KIAA1217: variants seen among roughly 807,000 people sequenced by gnomAD.
KIAA1217 encodes the protein KIAA1217.
In KIAA1217, 88 loss-of-function variants were observed where a neutral mutation model predicts 163.9. That is an observed-to-expected ratio of 0.54 (90% CI 0.45 to 0.64). KIAA1217 has a LOEUF of 0.64. Among genes scored for constraint, KIAA1217 ranks in the 30% least tolerant of loss-of-function variants. The pLI is 0.00. For missense variants in KIAA1217, 2,372 were observed against 2,475.0 expected (o/e 0.96, Z 0.88); for synonymous variants, 903 against 923.1 (o/e 0.98, Z 0.39).
chr10:24,137,861 G>C (rs1344319626), intron 2 of KIAA1217, among the ~76,000 whole-genome samples: 1 of 152,048 alleles, frequency 6.6e-6, no homozygotes, highest in Non-Finnish European at 1.5e-5. Flanking sequence ...AAAAAACAAG[G>C]GTTTAGGTGG....
chr10:23,950,460 T>C, intron 1 of KIAA1217, among the ~76,000 whole-genome samples: 1 of 148,960 alleles, frequency 6.7e-6, no homozygotes, highest in Non-Finnish European at 1.5e-5. Context: ...TTTAAACACA[T>C]AAACGACTCA....
intron 2 of KIAA1217, among the ~76,000 whole-genome samples, chr10:24,124,199 AT>A (rs1190781903): frequency 1.3e-5 from 2 of 151,994 alleles, no homozygotes; most frequent in African/African-American, 2.4e-5. Context: ...TGAGATCTTT[AT>A]CTAGGATTTG....
At chr10:23,715,437 G>C (rs1415449200) in intron 1 of KIAA1217, among the ~76,000 whole-genome samples, 1 of 152,090 alleles carries the variant, frequency 6.6e-6, no homozygotes, top group Non-Finnish European at 1.5e-5. Flanking sequence ...TTTCTGAGGA[G>C]CTTGAGATTC....
chr10:23,835,703 T>G (rs1280489529), intron 1 of KIAA1217, among the ~76,000 whole-genome samples: 4 of 152,224 alleles, frequency 2.6e-5, no homozygotes, highest in Admixed American at 2.6e-4. Flanking sequence ...GTTCCTTTTA[T>G]CTTCTAGCCT....
Position 24,113,184 on chromosome 10 carries a change from C to T in KIAA1217, c.-171+105810C>T, listed in dbSNP as rs1471234638. 2.6e-5 allele frequency among the ~76,000 whole-genome samples: 4 copies of T among 152,096 alleles called. No homozygotes were observed. The East Asian group carries it at 5.8e-4, about 22-fold the overall frequency. On this transcript the variant is annotated intron_variant, in intron 2 of 18. Coordinates refer to the KIAA1217 transcript ENST00000376462. ...GACATACAGCTTGATCATATTCTAC[C>T]GGTCACACAGGCATTCAATGGAGAC...
intron 1 of KIAA1217, among the ~76,000 whole-genome samples, chr10:23,797,698 G>GAACTCACTCACTATCATGAA (rs1836274276): frequency 6.6e-6 from 1 of 152,088 alleles, no homozygotes; most frequent in African/African-American, 2.4e-5. Flanking sequence ...ACTGTCATGA[G>GAACTCACTCACTATCATGAA]AACTCACTCA....
At chr10:23,841,979 A>G (rs1588926681) in intron 1 of KIAA1217, among the ~76,000 whole-genome samples, 1 of 151,696 alleles carries the variant, frequency 6.6e-6, no homozygotes, top group South Asian at 2.1e-4. Flanking sequence ...GCTATTCTCC[A>G]GCCTCAACCT....
rs189294123 is a variant in KIAA1217 at position 24,439,940 on chromosome 10, T to G, written c.846+1461T>G. Among the ~76,000 whole-genome samples, 212 of 152,304 alleles carry G rather than the reference T, an allele frequency of 1.4e-3. No individual in the cohort carries two copies. In the Middle Eastern group the frequency reaches 0.024, roughly 17 times the overall value. ...TGAGGGGACTAGGATGCAGACATCT[T>G]TCAGGGACCAGCATTCTGCTTTCCA... On this transcript the variant is annotated intron_variant, in intron 5 of 20. Coordinates refer to ENST00000376454, the MANE Select transcript of KIAA1217 (RefSeq NM_019590.5).
intron 1 of KIAA1217, among the ~76,000 whole-genome samples, chr10:23,810,206 CCATT>C (rs1387920868): frequency 9.9e-5 from 15 of 151,182 alleles, no homozygotes; most frequent in African/African-American, 3.4e-4. Flanking sequence ...ATTTATCCAT[CCATT>C]CATCTATCTG....
At chr10:24,158,284 T>C (rs1234912228) in intron 2 of KIAA1217, 2 of 710,018 alleles carry the variant, frequency 2.8e-6, no homozygotes, top group African/African-American at 3.5e-5. Flanking sequence ...ATTTTCTCCT[T>C]CCCGGTTGGA....
At chr10:24,498,842 T>G (rs2067150748) in intron 8 of KIAA1217, among the ~76,000 whole-genome samples, 1 of 152,194 alleles carries the variant, frequency 6.6e-6, no homozygotes, top group African/African-American at 2.4e-5. Context: ...GAAAGTTATC[T>G]TCTTAAACCA....
chr10:23,992,384 A>G (rs1247032870), intron 1 of KIAA1217, among the ~76,000 whole-genome samples: 1 of 151,878 alleles, frequency 6.6e-6, no homozygotes, highest in Non-Finnish European at 1.5e-5. Context: ...CCAGAAGGAG[A>G]TGCAATCCTT....
chr10:23,824,631 GAAAAAAAAA>G (rs1216051100), intron 1 of KIAA1217, among the ~76,000 whole-genome samples: 2 of 11,388 alleles, frequency 1.8e-4, no homozygotes, highest in African/African-American at 3.3e-4. Flanking sequence ...TCTGTCTCAA[GAAAAAAAAA>G]AAAAAAAAAA....
chr10:23,708,871 G>A (rs188964010), intron 1 of KIAA1217, among the ~76,000 whole-genome samples: 115 of 152,284 alleles, frequency 7.6e-4, no homozygotes, highest in Non-Finnish European at 1.4e-3. Context: ...GGAGTCTGTG[G>A]AAGGTGAAGT....
intron 1 of KIAA1217, among the ~76,000 whole-genome samples, chr10:23,859,592 T>C (rs1839862408): frequency 6.6e-6 from 1 of 152,234 alleles, no homozygotes. Context: ...TAGTGACATA[T>C]GGGATTCATC....
intron 2 of KIAA1217, among the ~76,000 whole-genome samples, chr10:24,201,536 A>C (rs1483394614): frequency 6.6e-6 from 1 of 152,094 alleles, no homozygotes; most frequent in Non-Finnish European, 1.5e-5. Flanking sequence ...TAGGGCAGAG[A>C]AGCTTAGCCA....
At chr10:24,137,848 CT>C (rs1220136971) in intron 2 of KIAA1217, among the ~76,000 whole-genome samples, 1 of 152,090 alleles carries the variant, frequency 6.6e-6, no homozygotes, top group African/African-American at 2.4e-5. Flanking sequence ...TATGCATGCT[CT>C]TAAAAAACAA....
intron 6 of KIAA1217, among the ~76,000 whole-genome samples, chr10:24,486,937 T>C (rs955253808): frequency 6.6e-6 from 1 of 152,236 alleles, no homozygotes; most frequent in African/African-American, 2.4e-5. Flanking sequence ...TTCCCTAGTA[T>C]GCAGTAGGTG....
intron 2 of KIAA1217, among the ~76,000 whole-genome samples, chr10:24,157,444 G>T (rs1282331816): frequency 6.6e-6 from 1 of 152,154 alleles, no homozygotes; most frequent in Non-Finnish European, 1.5e-5. Flanking sequence ...TCTCTGGCTT[G>T]TCTTCTTGTT....
Sources: gnomAD v4.1 joint callset for allele counts (sites outside exome capture counted in the v4.1 genomes callset) on GRCh38, gnomAD v4.1.1 for gene constraint, MANE v1.5 for transcripts, NCBI Gene and HGNC (gene_info 2026-07-23, HGNC 2026-07-21) for gene names.